ARL15: variants seen among roughly 807,000 people sequenced by gnomAD.
The protein encoded by ARL15 is ARF like GTPase 15, also known as ADP-ribosylation factor-like protein 15.
In ARL15, 19 loss-of-function variants were observed where a neutral mutation model predicts 25.2. The observed-to-expected ratio is 0.75, with a 90% CI of 0.53 to 1.10. ARL15 has a LOEUF of 1.10. Among genes scored for constraint, ARL15 ranks in the 50% least tolerant of loss-of-function variants. The pLI is 0.00. For missense variants in ARL15, 220 were observed against 246.0 expected (o/e 0.89, Z 0.71); for synonymous variants, 94 against 86.8 (o/e 1.08, Z -0.46).
At chr5:53,931,111 T>C (rs1372447068) in intron 4 of ARL15, among the ~76,000 whole-genome samples, 2 of 152,114 alleles carry the variant, frequency 1.3e-5, no homozygotes, top group African/African-American at 2.4e-5. Flanking sequence ...TGGCCTACAA[T>C]GAGGAAGAAA....
Position 54,173,095 on chromosome 5 carries a change from A to G in ARL15, c.49-1167T>C, listed in dbSNP as rs1380094551. On this transcript the variant is annotated intron_variant, in intron 1 of 4. Transcript: ENST00000504924. ...CTACTCAGGGGACTGAGGCAGGAGA[A>G]TCACTTGAATCTGGGTGGCAGAGGT... Among the ~76,000 whole-genome samples the G allele has an allele frequency of 3.3e-5, 5 of 151,998 alleles. No homozygotes were observed. In the East Asian group the frequency reaches 5.8e-4, roughly 18 times the overall value.
At chr5:53,974,703 A>G (rs573662811) in intron 4 of ARL15, among the ~76,000 whole-genome samples, 1 of 152,328 alleles carries the variant, frequency 6.6e-6, no homozygotes, top group African/African-American at 2.4e-5. Flanking sequence ...GTCCTTATAG[A>G]TCTTAAATGT....
chr5:54,057,588 G>A (rs1207052627), intron 4 of ARL15, among the ~76,000 whole-genome samples: 1 of 152,230 alleles, frequency 6.6e-6, no homozygotes, highest in Non-Finnish European at 1.5e-5. Flanking sequence ...AGTGGCTCAT[G>A]CCTGTAATGT....
At chr5:54,084,340 T>C (rs1487929135) in intron 4 of ARL15, among the ~76,000 whole-genome samples, 9 of 150,254 alleles carry the variant, frequency 6.0e-5, no homozygotes, top group Non-Finnish European at 1.2e-4. Context: ...ATTCTTGGGC[T>C]CATCTAGTCT....
At chr5:54,086,324 T>TTAATTGC (rs1035397952) in intron 4 of ARL15, among the ~76,000 whole-genome samples, 7 of 152,160 alleles carry the variant, frequency 4.6e-5, no homozygotes, top group African/African-American at 7.2e-5. Context: ...AAAATCCCCT[T>TTAATTGC]TAATTGCTTA....
At chr5:53,985,978 G>A (rs1315531188) in intron 4 of ARL15, among the ~76,000 whole-genome samples, 1 of 152,144 alleles carries the variant, frequency 6.6e-6, no homozygotes, top group East Asian at 1.9e-4. Context: ...TGGGGCTTGG[G>A]GATGACACCC....
Position 54,028,062 on chromosome 5 carries a change from A to C in ARL15, c.462+85140T>G, listed in dbSNP as rs1435888291. ...CAGCCTCCCTAGTAGGTGGGATTAC[A>C]GGCACCCGCCACCACGCCCGGCTAA... On this transcript the variant is annotated intron_variant, in intron 4 of 4. Coordinates refer to ENST00000504924, the MANE Select transcript of ARL15 (RefSeq NM_019087.3). Among the ~76,000 whole-genome samples the C allele has an allele frequency of 2.0e-5, 3 of 151,954 alleles. No individual in the cohort carries two copies. In the East Asian group the frequency reaches 5.8e-4, roughly 29 times the overall value.
Position 54,147,631 on chromosome 5 carries a change from T to G in ARL15, c.253+6949A>C, listed in dbSNP as rs552601536. Among the ~76,000 whole-genome samples, 32 of 152,344 alleles carry G rather than the reference T, an allele frequency of 2.1e-4. 1 individual carries two copies. Among genetic ancestry groups the G allele is most frequent in the African/African-American group, 7.2e-4 (30 of 41,588 alleles). On this transcript the variant is annotated intron_variant, in intron 3 of 4. Coordinates refer to ENST00000504924, the MANE Select transcript of ARL15 (RefSeq NM_019087.3). ...GGACATGGTCTTCCTTGAGCCCTTCTTCTGTGCTGTCATTTTCCTTTGCCA... is the reference window on the plus strand; with the variant it reads ...GGACATGGTCTTCCTTGAGCCCTTCGTCTGTGCTGTCATTTTCCTTTGCCA...
At chr5:54,077,447 C>G (rs757675864) in intron 4 of ARL15, among the ~76,000 whole-genome samples, 1 of 152,072 alleles carries the variant, frequency 6.6e-6, no homozygotes, top group Non-Finnish European at 1.5e-5. Flanking sequence ...GAAAAATGAA[C>G]GCAGACACTG....
At chr5:53,946,230 G>A (rs2112100378) in intron 4 of ARL15, among the ~76,000 whole-genome samples, 1 of 152,226 alleles carries the variant, frequency 6.6e-6, no homozygotes, top group South Asian at 2.1e-4. Context: ...AAGGCAGGTG[G>A]ATCACCTGAA....
At chr5:54,097,231 C>T (rs558372381) in intron 4 of ARL15, among the ~76,000 whole-genome samples, 85 of 152,226 alleles carry the variant, frequency 5.6e-4, no homozygotes, top group Admixed American at 1.5e-3. Flanking sequence ...GCAGGAGAAT[C>T]GCTTGAAGCT....
At chr5:54,003,073 G>T (rs1199043657) in intron 4 of ARL15, among the ~76,000 whole-genome samples, 1 of 152,196 alleles carries the variant, frequency 6.6e-6, no homozygotes, top group African/African-American at 2.4e-5. Flanking sequence ...ACTCTGGGCT[G>T]TACCTGAAGC....
intron 1 of ARL15, among the ~76,000 whole-genome samples, chr5:54,234,338 T>G (rs550916079): frequency 3.5e-4 from 54 of 152,274 alleles, no homozygotes; most frequent in East Asian, 1.5e-3. Flanking sequence ...AAAAAAAATT[T>G]TAATTGCTAG....
In ARL15 at chr5:54,245,943, A is replaced by C. The variant is rs1297360761; in HGVS notation, c.48+64489T>G. Among the ~76,000 whole-genome samples, 3 of 152,142 alleles carry C rather than the reference A, an allele frequency of 2.0e-5. No homozygotes were observed. The East Asian group carries it at 5.8e-4, about 29-fold the overall frequency. ...TTCTATGGTAAGCCCCTTTCTGATA[A>C]TATTGTATCCAATTCACAGGGTAAT... On this transcript the variant is annotated intron_variant, in intron 1 of 4. Coordinates refer to ENST00000504924, the MANE Select transcript of ARL15 (RefSeq NM_019087.3).
intron 4 of ARL15, among the ~76,000 whole-genome samples, chr5:54,019,694 A>C (rs894769275): frequency 6.6e-6 from 1 of 152,252 alleles, no homozygotes; most frequent in Non-Finnish European, 1.5e-5. Context: ...GAATATTATG[A>C]CATTCTAATG....
intron 3 of ARL15, among the ~76,000 whole-genome samples, chr5:54,130,587 A>C (rs1329906015): frequency 1.3e-5 from 2 of 152,226 alleles, no homozygotes; most frequent in Non-Finnish European, 2.9e-5. Context: ...ACTTATTAGG[A>C]GATCATAGGC....
At chr5:54,011,127 G>T (rs1416104955) in intron 4 of ARL15, among the ~76,000 whole-genome samples, 1 of 152,142 alleles carries the variant, frequency 6.6e-6, no homozygotes, top group Non-Finnish European at 1.5e-5. Flanking sequence ...TCCGTGAGCA[G>T]ATTTCACGAT....
At chr5:54,171,730 A>C in intron 2 of ARL15, 54 bp downstream of exon 2, 1 of 1,553,764 alleles carries the variant, frequency 6.4e-7, no homozygotes, top group South Asian at 1.2e-5. Context: ...ACAGGAAACT[A>C]GGACATCTTG....
chr5:54,144,971 T>C (rs935683834), intron 3 of ARL15, among the ~76,000 whole-genome samples: 3 of 152,252 alleles, frequency 2.0e-5, no homozygotes, highest in Non-Finnish European at 4.4e-5. Context: ...ATTCCTCTTT[T>C]ATTTCGTGTT....
Sources: allele counts gnomAD v4.1 joint callset (sites outside exome capture counted in the v4.1 genomes callset), GRCh38; gene constraint gnomAD v4.1.1; transcripts MANE v1.5; gene names NCBI Gene and HGNC (gene_info 2026-07-23, HGNC 2026-07-21).